RASAL2: variants seen among roughly 807,000 people sequenced by gnomAD.
RASAL2 encodes RAS protein activator like 2, also known as ras GTPase-activating protein nGAP.
RASAL2 carries 58 observed loss-of-function variants against 128.9 expected under a neutral mutation model. The ratio of observed to expected loss-of-function variants is 0.45; its 90% confidence interval spans 0.36 to 0.56. The LOEUF (loss-of-function observed/expected upper bound fraction) is 0.56. RASAL2 is among the 20% of genes least tolerant of loss of function. The pLI, the probability that RASAL2 is intolerant of heterozygous loss-of-function variation, is 0.00. For missense variants in RASAL2, 1,360 were observed against 1,601.6 expected (o/e 0.85, Z 2.57); for synonymous variants, 561 against 580.8 (o/e 0.97, Z 0.49).
At chr1:178,148,364 G>A (rs1195585188) in intron 1 of RASAL2, among the ~76,000 whole-genome samples, 3 of 152,054 alleles carry the variant, frequency 2.0e-5, no homozygotes, top group African/African-American at 7.2e-5. Context: ...CTCTTAAATG[G>A]TGAATTTAAG....
chr1:178,257,047 G>A (rs965318118), intron 1 of RASAL2, among the ~76,000 whole-genome samples: 2 of 150,510 alleles, frequency 1.3e-5, no homozygotes, highest in African/African-American at 4.9e-5. Context: ...ACATCAAAAA[G>A]AATAAGATAC....
In RASAL2 at chr1:178,458,242, G is replaced by A. The variant is rs1558006912; in HGVS notation, c.2950G>A (p.Asp984Asn). Residue 984 changes from aspartate (D) to asparagine (N), a missense_variant, in exon 14 of 18, where the codon GAC becomes AAC. This residue lies in a region of RASAL2 where 741 missense variants were observed against 868.6 expected (regional missense o/e 0.85). Coordinates refer to ENST00000367649, the MANE Select transcript of RASAL2 (RefSeq NM_170692.4). ...CACTAAACGTAGCACTCAGAGTGAG[G>A]ACTTCTCCAGGCGGCACACGGTGCC... ...DFTKRSTQSE[D>N]FSRRHTVPDR... The A allele has an allele frequency of 3.1e-6, 5 of 1,614,242 alleles. No individual in the cohort carries two copies. Among genetic ancestry groups the A allele is most frequent in the Middle Eastern group, 1.6e-4 (1 of 6,062 alleles).
intron 3 of RASAL2, among the ~76,000 whole-genome samples, chr1:178,320,078 T>TG (rs2102330936): frequency 6.6e-6 from 1 of 151,996 alleles, no homozygotes; most frequent in African/African-American, 2.4e-5. Flanking sequence ...GTGCCCCTGC[T>TG]GGGGGGTGCC....
At chr1:178,159,380 A>T (rs145744124) in intron 1 of RASAL2, among the ~76,000 whole-genome samples, 1 of 152,288 alleles carries the variant, frequency 6.6e-6, no homozygotes, top group East Asian at 1.9e-4. Context: ...GTCACGCAAT[A>T]TGGAAGGGTA....
intron 1 of RASAL2, among the ~76,000 whole-genome samples, chr1:178,184,642 G>A: frequency 6.6e-6 from 1 of 151,936 alleles, no homozygotes; most frequent in East Asian, 1.9e-4. Flanking sequence ...ATAAATGTGT[G>A]TCTTTTTCCA....
chr1:178,312,247 T>C (rs1668295259), intron 3 of RASAL2, among the ~76,000 whole-genome samples: 5 of 152,142 alleles, frequency 3.3e-5, no homozygotes, highest in Admixed American at 3.3e-4. Context: ...TCACATTTCA[T>C]GAAATTCTAA....
chr1:178,410,842 A>C (rs561733087), intron 4 of RASAL2, among the ~76,000 whole-genome samples: 221 of 152,294 alleles, frequency 1.5e-3, no homozygotes, highest in African/African-American at 5.2e-3. Context: ...CTCCTGCAAG[A>C]ATGGCCATAA....
chr1:178,364,474 A>C (rs1671298100), intron 3 of RASAL2, among the ~76,000 whole-genome samples: 1 of 152,236 alleles, frequency 6.6e-6, no homozygotes, highest in Admixed American at 6.5e-5. Context: ...TGTAGGGTTG[A>C]TATGAGGAGA....
At chr1:178,472,926 T>G in intron 17 of RASAL2, 149 bp from the exon 18 acceptor site, 3 of 839,156 alleles carry the variant, frequency 3.6e-6, no homozygotes, top group Non-Finnish European at 5.5e-6. Context: ...ACCTGACCAG[T>G]GTGCAGAAAG....
At chr1:178,408,923 G>C (rs1046576128) in intron 4 of RASAL2, among the ~76,000 whole-genome samples, 1 of 152,048 alleles carries the variant, frequency 6.6e-6, no homozygotes, top group African/African-American at 2.4e-5. Context: ...GTATTAGTCT[G>C]TTTTCACACT....
At chr1:178,351,478 T>A (rs528047258) in intron 3 of RASAL2, among the ~76,000 whole-genome samples, 6 of 152,254 alleles carry the variant, frequency 3.9e-5, no homozygotes, top group African/African-American at 1.4e-4. Flanking sequence ...TGGGCTGTAA[T>A]CCCAGCACTT....
chr1:178,260,600 A>T (rs561938353), intron 1 of RASAL2, among the ~76,000 whole-genome samples: 32 of 151,280 alleles, frequency 2.1e-4, no homozygotes, highest in Non-Finnish European at 4.3e-4. Flanking sequence ...GAAAAAACAA[A>T]TTCACTTACA....
chr1:178,110,587 A>T (rs1659272096), intron 1 of RASAL2, among the ~76,000 whole-genome samples: 1 of 146,482 alleles, frequency 6.8e-6, no homozygotes, highest in South Asian at 2.1e-4. Flanking sequence ...TAGTATATAT[A>T]TGCTATATAT....
chr1:178,205,420 CAG>C (rs1052741277), intron 1 of RASAL2, among the ~76,000 whole-genome samples: 3 of 152,124 alleles, frequency 2.0e-5, no homozygotes, highest in African/African-American at 7.2e-5. Context: ...AAGCCAAAAG[CAG>C]AGTCATGGGT....
At chr1:178,150,027 A>G (rs960045925) in intron 1 of RASAL2, among the ~76,000 whole-genome samples, 1 of 152,122 alleles carries the variant, frequency 6.6e-6, no homozygotes, top group Admixed American at 6.5e-5. Flanking sequence ...GTACCATCCT[A>G]TTTTAGGAGA....
At chr1:178,181,258 C>T (rs1662098135) in intron 1 of RASAL2, among the ~76,000 whole-genome samples, 1 of 152,064 alleles carries the variant, frequency 6.6e-6, no homozygotes, top group Non-Finnish European at 1.5e-5. Flanking sequence ...CACCCAATTT[C>T]CCTATTACTT....
At chr1:178,276,963 A>G (rs1666545840) in intron 1 of RASAL2, among the ~76,000 whole-genome samples, 1 of 151,712 alleles carries the variant, frequency 6.6e-6, no homozygotes, top group Admixed American at 6.6e-5. Context: ...CCTGGCTAAC[A>G]CGGTAAAACC....
chr1:178,101,079 C>T (rs547833106), intron 1 of RASAL2, among the ~76,000 whole-genome samples: 2 of 152,232 alleles, frequency 1.3e-5, no homozygotes, highest in Admixed American at 6.5e-5. Flanking sequence ...TTGCAAATTT[C>T]ATGTAGTTTA....
intron 1 of RASAL2, among the ~76,000 whole-genome samples, chr1:178,150,717 C>G (rs1660883709): frequency 6.6e-6 from 1 of 152,040 alleles, no homozygotes; most frequent in Admixed American, 6.6e-5. Context: ...GCAAATTCAC[C>G]TGCTTGTTAA....
Sources: gnomAD v4.1 joint callset for allele counts (sites outside exome capture counted in the v4.1 genomes callset) on GRCh38, gnomAD v4.1.1 for gene constraint, gnomAD v4.1.1 regional missense constraint, MANE v1.5 for transcripts, NCBI Gene and HGNC (gene_info 2026-07-23, HGNC 2026-07-21) for gene names.